The following AADACL3 variants were observed in gnomAD, a reference collection of about 807,000 sequenced individuals.
AADACL3 encodes arylacetamide deacetylase like 3, also known as arylacetamide deacetylase-like 3.
AADACL3 carries 13 observed loss-of-function variants against 13.6 expected under a neutral mutation model. The ratio of observed to expected loss-of-function variants is 0.95; its 90% CI spans 0.62 to 1.52. The LOEUF (loss-of-function observed/expected upper bound fraction) is 1.52, where lower values mean the gene tolerates loss of function less well. Ranked by LOEUF, AADACL3 falls within the 40% of genes most tolerant of loss-of-function variation. The pLI, the probability that AADACL3 is intolerant of heterozygous loss-of-function variation, is 0.00. For missense variants in AADACL3, 519 were observed against 499.2 expected, an observed-to-expected ratio of 1.04 and a Z score of -0.38; for synonymous variants, 195 against 197.0, an observed-to-expected ratio of 0.99 and a Z score of 0.08.
intron 1 of AADACL3, among the ~76,000 whole-genome samples, chr1:12,718,131 GAAC>G (rs1648479136): frequency 6.6e-6 from 1 of 152,152 alleles, no homozygotes; most frequent in African/African-American, 2.4e-5. Context: ...TAGTAAGGAA[GAAC>G]CTATATTATT....
chr1:12,724,364 C>T (rs1007159535), intron 3 of AADACL3, among the ~76,000 whole-genome samples: 1 of 152,188 alleles, frequency 6.6e-6, no homozygotes, highest in African/African-American at 2.4e-5. Flanking sequence ...AAAACCCACA[C>T]AGACATGAGG....
chr1:12,723,663 G>T (rs1305532148), intron 3 of AADACL3, among the ~76,000 whole-genome samples: 1 of 152,096 alleles, frequency 6.6e-6, no homozygotes, highest in Admixed American at 6.6e-5. Flanking sequence ...ATTTTTGGTA[G>T]AGGCAGGGTT....
intron 3 of AADACL3, 33 bp from the exon 4 acceptor site, chr1:12,725,189 C>A (rs762376735): frequency 1.3e-6 from 2 of 1,553,082 alleles, no homozygotes; most frequent in African/African-American, 2.7e-5. Context: ...TCTGCCGGGG[C>A]GTTATCAACT....
intron 3 of AADACL3, among the ~76,000 whole-genome samples, chr1:12,723,239 A>G (rs1044263991): frequency 6.6e-6 from 1 of 152,012 alleles, no homozygotes; most frequent in African/African-American, 2.4e-5. Context: ...CTATACATAT[A>G]TTTTTAAAAG....
chr1:12,723,995 G>T (rs3128464), intron 3 of AADACL3, among the ~76,000 whole-genome samples: 1,581 of 151,806 alleles, frequency 0.01, 14 homozygotes, highest in African/African-American at 0.037. Flanking sequence ...TGTTGGTCAG[G>T]CTGGTCTTGA....
chr1:12,717,639 A>C (rs1648468042), intron 1 of AADACL3, among the ~76,000 whole-genome samples: 1 of 152,224 alleles, frequency 6.6e-6, no homozygotes, highest in African/African-American at 2.4e-5. Context: ...TGTAGGGTCC[A>C]GGCAGTGGGC....
chr1:12,719,936 G>A (rs1212808615), intron 2 of AADACL3, among the ~76,000 whole-genome samples: 2 of 152,174 alleles, frequency 1.3e-5, no homozygotes, highest in African/African-American at 2.4e-5. Flanking sequence ...GAAGGATACT[G>A]TAAGGTAAAG....
At chr1:12,719,078 GCCAGATTGGCTGGGA>G (rs1648505678) in intron 1 of AADACL3, among the ~76,000 whole-genome samples, 1 of 152,186 alleles carries the variant, frequency 6.6e-6, no homozygotes, top group Non-Finnish European at 1.5e-5. Flanking sequence ...GCTTGGGGTG[GCCAGATTGGCTGGGA>G]CGGCACAGGA....
intron 2 of AADACL3, among the ~76,000 whole-genome samples, chr1:12,720,406 A>G (rs2100210251): frequency 6.6e-6 from 1 of 152,352 alleles, no homozygotes; most frequent in South Asian, 2.1e-4. Context: ...CATTAATATT[A>G]CTAATTACAT....
intron 3 of AADACL3, among the ~76,000 whole-genome samples, chr1:12,722,621 G>T (rs1199757957): frequency 6.6e-6 from 1 of 151,948 alleles, no homozygotes; most frequent in Non-Finnish European, 1.5e-5. Context: ...TGAAATGGGG[G>T]TATGGAATGG....
At position 12,727,670 on chromosome 1, in the gene AADACL3, T is replaced by C. The variant is rs1638397187; in HGVS notation, c.*1674T>C. On this transcript the variant is annotated 3_prime_UTR_variant, in exon 4 of 4. Coordinates refer to ENST00000359318, the MANE Select transcript of AADACL3 (RefSeq NM_001103170.3). ...TGAGGCAGAGAGGAATCCCATTGGG[T>C]GGCTCCTTGCTGCATTCGCAGTTGA... 6.6e-6 allele frequency: 1 copy of C among 152,238 alleles called. No homozygotes were observed. Among genetic ancestry groups the C allele is most frequent in the African/African-American group, 2.4e-5 (1 of 41,456 alleles). 9.4% of individuals were successfully genotyped at this position (152,238 alleles called of 1,614,324 possible).
At chr1:12,719,766 C>T in intron 2 of AADACL3, 75 bp downstream of exon 2, 2 of 1,430,936 alleles carry the variant, frequency 1.4e-6, no homozygotes, top group Non-Finnish European at 2.0e-6. Context: ...GGGCATCTTC[C>T]TGGGACTTAA....
intron 2 of AADACL3, 35 bp from the exon 3 acceptor site, chr1:12,720,847 CT>C (rs1638240646): frequency 6.3e-7 from 1 of 1,587,080 alleles, no homozygotes; most frequent in South Asian, 1.1e-5. Flanking sequence ...CAAAGGAAGC[CT>C]TCCTAGTGAA....
Position 12,725,625 on chromosome 1 carries a change from T to C in AADACL3, c.853T>C (p.Leu285=), listed in dbSNP as rs1638354045. ...AGTCTGGGAAAAGTACAGAAAGTGG[T>C]TGGGCCCAGAAAACATCCCTGAGAG... ...AEVWEKYRKW[L]GPENIPERFK... The change falls in exon 4 of 4, where the codon TTG becomes CTG. Residue 285 remains leucine, a synonymous_variant. Coordinates refer to ENST00000359318, the MANE Select transcript of AADACL3 (RefSeq NM_001103170.3). The C allele has an allele frequency of 1.2e-6, 2 of 1,614,082 alleles. No homozygotes were observed. Among genetic ancestry groups the C allele is most frequent in the Non-Finnish European group, 1.7e-6 (2 of 1,179,984 alleles).
chr1:12,725,226 C>T lies in AADACL3; in HGVS notation c.454C>T (p.Arg152Cys), dbSNP rs191915976. The change falls in exon 4 of 4, where the codon CGC becomes TGC. Residue 152 changes from arginine to cysteine, a missense_variant. Physicochemically the swap from Arg to Cys is radical, Grantham distance 180 (BLOSUM62 -3). Coordinates refer to ENST00000359318, the MANE Select transcript of AADACL3 (RefSeq NM_001103170.3). ...TGTTTCTTGATTCCTTTTTAGTTAC[C>T]GCAAGTTACCTAAGCATAAGTTTCC... is the stretch of plus-strand genomic sequence containing the variant. ...SDSVVLAVGY[R>C]KLPKHKFPVP... The T allele has an allele frequency of 4.4e-5, 70 of 1,593,796 alleles. No individual in the cohort carries two copies. Among genetic ancestry groups the T allele is most frequent in the Middle Eastern group, 3.4e-4 (2 of 5,936 alleles).
In AADACL3 at chr1:12,727,505, C is replaced by G. The variant is rs888151509; in HGVS notation, c.*1509C>G. Reference sequence around the variant, plus strand: ...TCTTTTGAAAGGAATGGCCAGGGTCCTCTGCTGGCCCCACTTGGTCTTCTG... The same window carrying G: ...TCTTTTGAAAGGAATGGCCAGGGTCGTCTGCTGGCCCCACTTGGTCTTCTG... On this transcript the variant is annotated 3_prime_UTR_variant, in exon 4 of 4. Coordinates refer to ENST00000359318, the MANE Select transcript of AADACL3 (RefSeq NM_001103170.3). 1 of 152,236 alleles carries G rather than the reference C, an allele frequency of 6.6e-6. No homozygotes were observed. Among genetic ancestry groups the G allele is most frequent in the African/African-American group, 2.4e-5 (1 of 41,456 alleles). 9.4% of individuals were successfully genotyped at this position (152,236 alleles called of 1,614,324 possible).
chr1:12,725,627 G>T lies in AADACL3; in HGVS notation c.855G>T (p.Leu285Phe). 1 of 1,614,038 alleles carries T rather than the reference G, an allele frequency of 6.2e-7. No homozygotes were observed. Among genetic ancestry groups the T allele is most frequent in the Non-Finnish European group, 8.5e-7 (1 of 1,179,984 alleles). Residue 285 changes from leucine to phenylalanine, a missense_variant, in exon 4 of 4, where the codon TTG becomes TTT. Physicochemically the swap from Leu to Phe is conservative, Grantham distance 22. Transcript: ENST00000359318. ...TCTGGGAAAAGTACAGAAAGTGGTTGGGCCCAGAAAACATCCCTGAGAGGT... is the reference window on the plus strand; with the variant it reads ...TCTGGGAAAAGTACAGAAAGTGGTTTGGCCCAGAAAACATCCCTGAGAGGT... ...AEVWEKYRKW[L>F]GPENIPERFK... is the part of the protein sequence containing the mutation.
In AADACL3 at chr1:12,719,828, A is replaced by T. The variant is rs890822628; in HGVS notation, c.385+137A>T. On this transcript the variant is annotated intron_variant, in intron 2 of 3. Coordinates refer to ENST00000359318, the MANE Select transcript of AADACL3 (RefSeq NM_001103170.3). ...CAGGGCAGTTCATGGTTTGCAGATC[A>T]TTGAGGGGGCAAAAATATGGCATAT... 23 of 831,546 alleles carry T rather than the reference A, an allele frequency of 2.8e-5. No homozygotes were observed. In the East Asian group the frequency reaches 5.0e-4, roughly 18 times the overall value. 51.5% of individuals were successfully genotyped at this position (831,546 alleles called of 1,614,324 possible).
At position 12,727,590 on chromosome 1, in the gene AADACL3, A is replaced by G. The variant is rs1171024797; in HGVS notation, c.*1594A>G. 2 of 152,350 alleles carry G rather than the reference A, an allele frequency of 1.3e-5. No homozygotes were observed. The highest frequency in any genetic ancestry group is 4.8e-5 in the African/African-American group (2 of 41,582). The allele number at this position is 152,350 out of a possible 1,614,324, so 9.4% of individuals were successfully genotyped here. A position where few individuals can be genotyped will look rare whatever the true frequency, so the allele number is the denominator to read the frequency against. On this transcript the variant is annotated 3_prime_UTR_variant, in exon 4 of 4. Transcript: ENST00000359318. ...AGGCCAAGGTCAAGGCCATTGCACAAAAAACCCTGTGCATGCCCTTAACTT... is the reference window on the plus strand; with the variant it reads ...AGGCCAAGGTCAAGGCCATTGCACAGAAAACCCTGTGCATGCCCTTAACTT...
Sources: allele counts gnomAD v4.1 joint callset (sites outside exome capture counted in the v4.1 genomes callset), GRCh38; gene constraint gnomAD v4.1.1; transcripts MANE v1.5; gene names NCBI Gene and HGNC (gene_info 2026-07-23, HGNC 2026-07-21).